SFXN3: variants seen among roughly 807,000 people sequenced by gnomAD.
SFXN3 encodes the protein sideroflexin 3, also known as sideroflexin-3.
A neutral mutation model predicts 40.4 loss-of-function variants in SFXN3; 31 were observed. That is an observed-to-expected ratio of 0.77 (90% CI 0.58 to 1.04). SFXN3 has a LOEUF of 1.04. SFXN3 is among the 50% of genes least tolerant of loss of function. The pLI, the probability that SFXN3 is intolerant of heterozygous loss-of-function variation, is 0.00. For missense variants in SFXN3, 366 were observed against 408.2 expected (o/e 0.90, Z 0.89); for synonymous variants, 157 against 160.0 (o/e 0.98, Z 0.14).
rs964840477 is a variant in SFXN3, at chr10:101,036,987, T to C, written c.594-89T>C. 5 of 1,566,636 alleles carry C rather than the reference T, an allele frequency of 3.2e-6. No individual in the cohort carries two copies. Among genetic ancestry groups the C allele is most frequent in the Admixed American group, 3.7e-5 (2 of 54,250 alleles). On this transcript the variant is annotated intron_variant, in intron 7 of 11. Transcript: ENST00000393459. This position sits in a 1 kb window ranked among gnomAD's most constrained non-coding sequence, Gnocchi z 4.2. The stretch of plus-strand genomic sequence containing the variant: ...AACCAGCCTTTGAGCCTGGGGTGTG[T>C]GAGGGGACCCTGAGGAGCCGCTGCT...
Position 101,036,579 on chromosome 10 carries a change from C to T in SFXN3, c.507+18C>T, listed in dbSNP as rs1240832788. ...TCACCAAGGTAAAGGCCCCTCACTCCCCTGACCACCCCATTCATCCTCTAT... is the reference window on the plus strand; with the variant it reads ...TCACCAAGGTAAAGGCCCCTCACTCTCCTGACCACCCCATTCATCCTCTAT... On this transcript the variant is annotated intron_variant, in intron 6 of 11. Coordinates refer to ENST00000393459, the Ensembl canonical transcript of SFXN3. The surrounding 1 kb of genome is among the most constrained non-coding windows in gnomAD (Gnocchi z 4.2). 6.2e-7 allele frequency: 1 copy of T among 1,613,870 alleles called. No homozygotes were observed. Among genetic ancestry groups the T allele is most frequent in the African/African-American group, 1.3e-5 (1 of 74,896 alleles).
chr10:101,037,021 C>A lies in SFXN3; in HGVS notation c.594-55C>A, dbSNP rs1938643920. On this transcript the variant is annotated intron_variant, in intron 7 of 11. Coordinates refer to ENST00000393459, the Ensembl canonical transcript of SFXN3. The stretch of plus-strand genomic sequence containing the variant: ...CCTGAGGAGCCGCTGCTCATTCGGG[C>A]ATTGCAGGTGGGATCCGGGGCCTGT... 1.9e-6 allele frequency: 3 copies of A among 1,604,614 alleles called. No homozygotes were observed. The South Asian group carries it at 3.3e-5, about 18-fold the overall frequency.
chr10:101,032,848 A>G (rs1590086025), intron 2 of SFXN3, among the ~76,000 whole-genome samples: 1 of 151,994 alleles, frequency 6.6e-6, no homozygotes, highest in Non-Finnish European at 1.5e-5. Context: ...GCTGGAGAGG[A>G]TTAGTCATTC....
chr10:101,035,857 G>T, intron 4 of SFXN3, 146 bp from the exon 5 acceptor site: 1 of 1,070,160 alleles, frequency 9.3e-7, no homozygotes. Flanking sequence ...TGGGGGTGGG[G>T]GTACATAGGG....
chr10:101,036,443 G>A lies in SFXN3; in HGVS notation c.432-43G>A. ...TCCCTAAAGGAAAGGGCCACCTGCT[G>A]GACTTGTCACCTCTCCCCGTGACCT... On this transcript the variant is annotated intron_variant, in intron 5 of 11. Coordinates refer to ENST00000393459, the Ensembl canonical transcript of SFXN3. This position sits in a 1 kb window ranked among gnomAD's most constrained non-coding sequence, Gnocchi z 4.2. 6.3e-7 allele frequency: 1 copy of A among 1,599,970 alleles called. No homozygotes were observed. Among genetic ancestry groups the A allele is most frequent in the Non-Finnish European group, 8.6e-7 (1 of 1,167,376 alleles).
intron 10 of SFXN3, 27 bp downstream of exon 10, chr10:101,038,719 T>C: frequency 3.1e-6 from 5 of 1,605,760 alleles, no homozygotes; most frequent in Non-Finnish European, 4.2e-6. Context: ...TTAGCTGGGG[T>C]GTGTGGGAGT....
At chr10:101,032,149 T>A in intron 1 of SFXN3, 165 bp from the exon 2 acceptor site, 1 of 324,482 alleles carries the variant, frequency 3.1e-6, no homozygotes. Context: ...CAGGGGACTG[T>A]AAACCAAGGG....
intron 4 of SFXN3, 81 bp downstream of exon 4, chr10:101,035,748 A>G (rs960955153): frequency 5.4e-5 from 82 of 1,518,486 alleles, no homozygotes; most frequent in African/African-American, 6.9e-5. Context: ...GTCTGGGCCA[A>G]CTGGGTGAGT....
chr10:101,037,270 T>G lies in SFXN3; in HGVS notation c.721+67T>G, dbSNP rs1049934381. ...AGAAGCAGGTGCAGTTCTCAGGGAC[T>G]TTGGAGGACTCTGGGGAGAGAGGGA... On this transcript the variant is annotated intron_variant, in intron 8 of 11. Transcript: ENST00000393459. 16 of 1,613,468 alleles carry G rather than the reference T, an allele frequency of 9.9e-6. No homozygotes were observed. The Admixed American group carries it at 1.2e-4, about 12-fold the overall frequency.
At position 101,037,253 on chromosome 10, in the gene SFXN3, G is replaced by A. The variant is rs371106363; in HGVS notation, c.721+50G>A. Reference sequence around the variant, plus strand: ...GCATAGGAGACTCTGAGAGAAGCAGGTGCAGTTCTCAGGGACTTTGGAGGA... The same window carrying A: ...GCATAGGAGACTCTGAGAGAAGCAGATGCAGTTCTCAGGGACTTTGGAGGA... On this transcript the variant is annotated intron_variant, in intron 8 of 11. Coordinates refer to ENST00000393459, the Ensembl canonical transcript of SFXN3. The A allele has an allele frequency of 1.2e-5, 20 of 1,613,430 alleles. No homozygotes were observed. The African/African-American group carries it at 1.6e-4, about 13-fold the overall frequency.
In SFXN3 at chr10:101,039,494, T is replaced by C. The variant is rs1177850809; in HGVS notation, c.875T>C (p.Ile292Thr). Residue 292 changes from isoleucine (I) to threonine (T), a missense_variant, in exon 12 of 12, where the codon ATA becomes ACA. Ile to Thr is a moderately conservative substitution (Grantham distance 89). Transcript: ENST00000393459. This position sits in a 1 kb window ranked among gnomAD's most constrained non-coding sequence, Gnocchi z 4.6. ...CCTGTGCTGTTCTATTGCAGCTCCATACACATAAGCAACCTGGAACCAGAG... is the reference window on the plus strand; with the variant it reads ...CCTGTGCTGTTCTATTGCAGCTCCACACACATAAGCAACCTGGAACCAGAG... 6 of 1,614,036 alleles carry C rather than the reference T, an allele frequency of 3.7e-6. No homozygotes were observed. The highest frequency in any genetic ancestry group is 4.2e-6 in the Non-Finnish European group (5 of 1,179,924).
In SFXN3 at chr10:101,039,082, CT is replaced by C; in HGVS notation, c.822-92del. ...TTTCAGCTTTTATCAATCTCCACCC[CT>C]AGGGCCTATCTCCAAGGATGGGGTG... is the stretch of plus-strand genomic sequence containing the variant. On this transcript the variant is annotated intron_variant, in intron 10 of 11. Transcript: ENST00000393459. The surrounding 1 kb of genome is among the most constrained non-coding windows in gnomAD (Gnocchi z 4.6). The C allele has an allele frequency of 9.0e-7, 1 of 1,116,670 alleles. No homozygotes were observed. The highest frequency in any genetic ancestry group is 1.4e-6 in the Non-Finnish European group (1 of 736,446). The allele number at this position is 1,116,670 out of a possible 1,614,324, so 69.2% of individuals were successfully genotyped here.
At position 101,039,438 on chromosome 10, in the gene SFXN3, A is replaced by T; in HGVS notation, c.870-51A>T. Reference sequence around the variant, plus strand: ...GGTGGGATGGCAATCCCTGGGCCTGAGTGGGGTTGGATTCAGGGGACGTTA... The same window carrying T: ...GGTGGGATGGCAATCCCTGGGCCTGTGTGGGGTTGGATTCAGGGGACGTTA... On this transcript the variant is annotated intron_variant, in intron 11 of 11. Coordinates refer to ENST00000393459, the Ensembl canonical transcript of SFXN3. The surrounding 1 kb of genome is among the most constrained non-coding windows in gnomAD (Gnocchi z 4.6). The T allele has an allele frequency of 1.3e-6, 2 of 1,540,030 alleles. No individual in the cohort carries two copies. The highest frequency in any genetic ancestry group is 1.8e-6 in the Non-Finnish European group (2 of 1,113,068).
At chr10:101,033,389 A>T (rs1938419933) in intron 2 of SFXN3, among the ~76,000 whole-genome samples, 1 of 152,180 alleles carries the variant, frequency 6.6e-6, no homozygotes, top group East Asian at 1.9e-4. Context: ...TCACTCATGA[A>T]AATCTGTACC....
intron 3 of SFXN3, 143 bp downstream of exon 3, chr10:101,034,998 C>T (rs1457718902): frequency 8.6e-7 from 1 of 1,157,442 alleles, no homozygotes; most frequent in Non-Finnish European, 1.2e-6. Context: ...GTTGGCATCA[C>T]AGAGCTTTAA....
chr10:101,039,752 G>A lies in SFXN3; in HGVS notation c.*167G>A. 3.2e-6 allele frequency: 2 copies of A among 633,578 alleles called. No homozygotes were observed. Among genetic ancestry groups the A allele is most frequent in the South Asian group, 3.7e-5 (2 of 53,374 alleles). The allele number at this position is 633,578 out of a possible 1,614,324, so 39.2% of individuals were successfully genotyped here. A position where few individuals can be genotyped will look rare whatever the true frequency, so the allele number is the denominator to read the frequency against. On this transcript the variant is annotated 3_prime_UTR_variant, in exon 12 of 12. Coordinates refer to ENST00000393459, the Ensembl canonical transcript of SFXN3. This position sits in a 1 kb window ranked among gnomAD's most constrained non-coding sequence, Gnocchi z 4.6. ...AGGGTGGGGGAGGGACCTCCATAAG[G>A]CTTTTCCTCCCTTCTCTGGTTTCAA...
Position 101,032,626 on chromosome 10 carries a change from G to A in SFXN3, c.-4+144G>A, listed in dbSNP as rs1034809471. ...CCACAGGGCACAAGGGAGGTTGGGG[G>A]GAGGAATGTCAGGGTGGGGCTGTGT... is the stretch of plus-strand genomic sequence containing the variant. On this transcript the variant is annotated intron_variant, in intron 2 of 11. Transcript: ENST00000393459. The A allele has an allele frequency of 7.3e-6, 7 of 957,692 alleles. No homozygotes were observed. The African/African-American group carries it at 8.7e-5, about 12-fold the overall frequency. The allele number at this position is 957,692 out of a possible 1,614,324, so 59.3% of individuals were successfully genotyped here.
rs11539977 is a variant in SFXN3, at chr10:101,039,925, C to A, written c.*340C>A. 0.043 allele frequency: 11,376 copies of A among 261,580 alleles called. 321 individuals carry two copies. The highest frequency in any genetic ancestry group is 0.066 in the Admixed American group (1,416 of 21,498). 16.2% of individuals were successfully genotyped at this position (261,580 alleles called of 1,614,324 possible). On this transcript the variant is annotated 3_prime_UTR_variant, in exon 12 of 12. Coordinates refer to ENST00000393459, the Ensembl canonical transcript of SFXN3. The surrounding 1 kb of genome is among the most constrained non-coding windows in gnomAD (Gnocchi z 4.6). ...GACATCTGGCTTCCCTTCTCAGCCT[C>A]ATGTCCACCTGCCTGCCAGCCAGGC...
At chr10:101,038,548 G>A (rs1938730495) in intron 9 of SFXN3, 95 bp from the exon 10 acceptor site, 1 of 1,608,818 alleles carries the variant, frequency 6.2e-7, no homozygotes, top group Admixed American at 1.7e-5. Context: ...AGGGCTCCAA[G>A]GCAAGGCTGA....
Sources: allele counts gnomAD v4.1 joint callset (sites outside exome capture counted in the v4.1 genomes callset), GRCh38; gene constraint gnomAD v4.1.1; non-coding constraint Gnocchi (gnomAD v3.1); transcripts MANE v1.5; gene names NCBI Gene and HGNC (gene_info 2026-07-23, HGNC 2026-07-21).